The following DNM1L variants were observed in gnomAD, a reference collection of about 807,000 sequenced individuals.
DNM1L encodes the protein dynamin-1-like protein.
A neutral mutation model predicts 92.8 loss-of-function variants in DNM1L; 33 were observed. That is an observed-to-expected ratio of 0.36 (90% CI 0.27 to 0.48). The LOEUF (loss-of-function observed/expected upper bound fraction) is 0.48, where lower values mean the gene tolerates loss of function less well. DNM1L is among the 20% of genes least tolerant of loss of function. DNM1L has a pLI of 0.99. For missense variants in DNM1L, 485 were observed against 888.8 expected (o/e 0.55, Z 5.78); for synonymous variants, 284 against 305.0 (o/e 0.93, Z 0.72).
intron 1 of DNM1L, among the ~76,000 whole-genome samples, chr12:32,680,746 A>T (rs1344299144): frequency 6.6e-6 from 1 of 152,194 alleles, no homozygotes; most frequent in Non-Finnish European, 1.5e-5. Flanking sequence ...GACATATAGT[A>T]AGTGCTCTGT....
intron 2 of DNM1L, chr12:32,706,708 T>TGTCA: frequency 2.2e-6 from 1 of 454,944 alleles, no homozygotes; most frequent in South Asian, 1.6e-5. Flanking sequence ...GAAAACAGTC[T>TGTCA]TGACCCTGGG....
At chr12:32,722,321 A>G in intron 8 of DNM1L, 106 bp from the exon 9 acceptor site, 1 of 924,044 alleles carries the variant, frequency 1.1e-6, no homozygotes, top group Non-Finnish European at 1.7e-6. Context: ...CACATTTGCC[A>G]GGACAAATTA....
intron 1 of DNM1L, among the ~76,000 whole-genome samples, chr12:32,689,322 C>T (rs149573913): frequency 0.012 from 1,832 of 152,216 alleles, 37 homozygotes; most frequent in African/African-American, 0.042. Flanking sequence ...CTCAGCTTCC[C>T]GAGTAGCTGG....
At chr12:32,725,103 C>T (rs1954046952) in intron 9 of DNM1L, 1 of 151,018 alleles carries the variant, frequency 6.6e-6, no homozygotes, top group Non-Finnish European at 1.5e-5. Flanking sequence ...TTTTTTTACA[C>T]TTGCTTATTA....
chr12:32,737,992 A>G (rs2137570395), intron 15 of DNM1L, 50 bp downstream of exon 15: 1 of 1,571,094 alleles, frequency 6.4e-7, no homozygotes, highest in South Asian at 1.1e-5. Flanking sequence ...CTCTGGTACA[A>G]CATAATCTTC....
chr12:32,680,303 A>G (rs1951759610), intron 1 of DNM1L, among the ~76,000 whole-genome samples: 1 of 152,196 alleles, frequency 6.6e-6, no homozygotes, highest in Non-Finnish European at 1.5e-5. Context: ...TGCTACTTCG[A>G]TTAGAGTTCA....
At chr12:32,682,344 C>T (rs1015613471) in intron 1 of DNM1L, among the ~76,000 whole-genome samples, 6 of 152,248 alleles carry the variant, frequency 3.9e-5, no homozygotes, top group African/African-American at 1.4e-4. Context: ...GTTGGTCAGG[C>T]TGGTATCCAA....
chr12:32,691,592 A>T (rs1952236960), intron 1 of DNM1L, among the ~76,000 whole-genome samples: 1 of 152,172 alleles, frequency 6.6e-6, no homozygotes, highest in Non-Finnish European at 1.5e-5. Flanking sequence ...CTGCAAATAT[A>T]GTCACATTCC....
In DNM1L at chr12:32,743,581, T is replaced by TTTAATCCAAATAATAAATGGC. The variant is rs1305772841; in HGVS notation, c.*173_*193dup. 1 of 621,590 alleles carries TTTAATCCAAATAATAAATGGC rather than the reference T, an allele frequency of 1.6e-6. No individual in the cohort carries two copies. The highest frequency in any genetic ancestry group is 2.8e-6 in the Non-Finnish European group (1 of 354,058). 38.5% of individuals were successfully genotyped at this position (621,590 alleles called of 1,614,324 possible). A position where few individuals can be genotyped will look rare whatever the true frequency, so the allele number is the denominator to read the frequency against. The stretch of plus-strand genomic sequence containing the variant: ...TCCAAATTGCAGAACACATCACACA[T>TTTAATCCAAATAATAAATGGC]TTAATCCAAATAATAAATGGCTGTT... On this transcript the variant is annotated 3_prime_UTR_variant, in exon 20 of 20. Transcript: ENST00000549701.
rs1954549614 is a variant in DNM1L at position 32,731,490 on chromosome 12, C to T, written c.1335C>T (p.His445=). ...AGGAAATGCAAAGGATCATTCAGCA[C>T]TGTAGCAATTACAGTACACAGGTAA... ...VHEEMQRIIQ[H]CSNYSTQELL... is the part of the protein sequence containing the mutation. Residue 445 remains histidine (H), a synonymous_variant, in exon 11 of 20, where the codon CAC becomes CAT. Coordinates refer to ENST00000549701, the MANE Select transcript of DNM1L (RefSeq NM_012062.5). This position sits in a 1 kb window ranked among gnomAD's most constrained non-coding sequence, Gnocchi z 5.1. 2 of 1,614,130 alleles carry T rather than the reference C, an allele frequency of 1.2e-6. No individual in the cohort carries two copies. Among genetic ancestry groups the T allele is most frequent in the East Asian group, 2.2e-5 (1 of 44,882 alleles).
chr12:32,720,147 C>G (rs1953740075), intron 7 of DNM1L, among the ~76,000 whole-genome samples: 1 of 152,106 alleles, frequency 6.6e-6, no homozygotes, highest in South Asian at 2.1e-4. Context: ...ATTCTCCCAT[C>G]CCCACTGTCA....
At chr12:32,741,444 C>T (rs761050920) in intron 18 of DNM1L, among the ~76,000 whole-genome samples, 6 of 152,188 alleles carry the variant, frequency 3.9e-5, no homozygotes, top group Non-Finnish European at 5.9e-5. Flanking sequence ...CACCACCATG[C>T]CCAGCTAATT....
intron 4 of DNM1L, among the ~76,000 whole-genome samples, chr12:32,710,504 C>A (rs563061995): frequency 1.3e-5 from 2 of 151,724 alleles, no homozygotes; most frequent in South Asian, 4.2e-4. Flanking sequence ...CTTGTAGTCC[C>A]AGCTACTCAG....
Position 32,742,673 on chromosome 12 carries a change from A to C in DNM1L, c.2079A>C (p.Ser693=). 3 of 1,614,160 alleles carry C rather than the reference A, an allele frequency of 1.9e-6. No homozygotes were observed. The South Asian group carries it at 3.3e-5, about 18-fold the overall frequency. Residue 693 remains serine (S), a synonymous_variant, in exon 19 of 20, where the codon TCA becomes TCC. Coordinates refer to ENST00000549701, the MANE Select transcript of DNM1L (RefSeq NM_012062.5). ...AGCTAGTAGGCCAGCTGTATAAATC[A>C]TCCTTATTGGATGATCTTCTGACAG... ...QSELVGQLYK[S]SLLDDLLTES... is the part of the protein sequence containing the mutation.
intron 9 of DNM1L, chr12:32,727,111 C>T (rs1002925778): frequency 2.7e-6 from 2 of 734,134 alleles, no homozygotes; most frequent in African/African-American, 3.5e-5. Context: ...TCAGTCTTGG[C>T]CTTTTCTTTC....
chr12:32,732,125 C>G (rs537980333), intron 12 of DNM1L, among the ~76,000 whole-genome samples, 182 bp downstream of exon 12: 2 of 152,134 alleles, frequency 1.3e-5, no homozygotes, highest in Middle Eastern at 3.4e-3. Context: ...TTTAATAATT[C>G]TGGTATAAAG....
Position 32,745,053 on chromosome 12 carries a change from C to G in DNM1L, c.*1643C>G, listed in dbSNP as rs1286675540. ...CATCAATTTACTAAGGAACAACAGGCTCACCAACTGATGTCAAACATAAAA... is the reference window on the plus strand; with the variant it reads ...CATCAATTTACTAAGGAACAACAGGGTCACCAACTGATGTCAAACATAAAA... On this transcript the variant is annotated 3_prime_UTR_variant, in exon 20 of 20. Coordinates refer to ENST00000549701, the MANE Select transcript of DNM1L (RefSeq NM_012062.5). 2.0e-6 allele frequency: 1 copy of G among 503,534 alleles called. No homozygotes were observed. The highest frequency in any genetic ancestry group is 1.5e-5 in the South Asian group (1 of 68,358). 31.2% of individuals were successfully genotyped at this position (503,534 alleles called of 1,614,324 possible). A position where few individuals can be genotyped will look rare whatever the true frequency, so the allele number is the denominator to read the frequency against.
chr12:32,712,458 A>T lies in DNM1L; in HGVS notation c.457-751A>T, dbSNP rs184972070. ...TGAAGTTTCCCTGATTACTCTATTT[A>T]AAAACATAATCCAATTTAAAACATT... On this transcript the variant is annotated intron_variant, in intron 5 of 19. Coordinates refer to ENST00000549701, the MANE Select transcript of DNM1L (RefSeq NM_012062.5). Among the ~76,000 whole-genome samples the T allele has an allele frequency of 2.2e-3, 342 of 152,148 alleles. 4 individuals carry two copies. Among genetic ancestry groups the T allele is most frequent in the Middle Eastern group, 0.02 (6 of 294 alleles).
At chr12:32,736,054 A>G (rs147867901) in intron 13 of DNM1L, among the ~76,000 whole-genome samples, 20 of 146,318 alleles carry the variant, frequency 1.4e-4, no homozygotes, top group Non-Finnish European at 1.6e-4. Flanking sequence ...ACAGATTTCT[A>G]TATCTTCATA....
Sources: gnomAD v4.1 joint callset for allele counts (sites outside exome capture counted in the v4.1 genomes callset) on GRCh38, gnomAD v4.1.1 for gene constraint, Gnocchi (gnomAD v3.1) non-coding constraint, MANE v1.5 for transcripts, NCBI Gene and HGNC (gene_info 2026-07-23, HGNC 2026-07-21) for gene names.